EFNA2: variants seen among roughly 807,000 people sequenced by gnomAD.
EFNA2 encodes ephrin-A2.
A neutral mutation model predicts 19.7 loss-of-function variants in EFNA2; 18 were observed. That is an observed-to-expected ratio of 0.91 (90% CI 0.63 to 1.35). The LOEUF is 1.35. EFNA2 is among the 40% of genes most tolerant of loss of function. The pLI is 0.00. For missense variants in EFNA2, 303 were observed against 296.0 expected (o/e 1.02, Z -0.17); for synonymous variants, 187 against 137.8 (o/e 1.36, Z -2.50).
intron 1 of EFNA2, among the ~76,000 whole-genome samples, chr19:1,289,153 C>T (rs1482435444): frequency 6.6e-6 from 1 of 152,228 alleles, no homozygotes; most frequent in Non-Finnish European, 1.5e-5. Flanking sequence ...ATCCACAGGG[C>T]ACAGCTCTGG....
At position 1,287,079 on chromosome 19, in the gene EFNA2, G is replaced by A. The variant is rs60915545; in HGVS notation, c.140+771G>A. 3.7e-3 allele frequency among the ~76,000 whole-genome samples: 570 copies of A among 152,340 alleles called. 5 individuals are homozygous for A. Among genetic ancestry groups the A allele is most frequent in the African/African-American group, 0.013 (550 of 41,584 alleles). ...CACGCCCGGCCGAGATGCCGCACCC[G>A]CCTGCTGCAGGCCCCCTTGTTTTGA... On this transcript the variant is annotated intron_variant, in intron 1 of 3. Coordinates refer to ENST00000215368, the MANE Select transcript of EFNA2 (RefSeq NM_001405.4). The surrounding 1 kb of genome is among the most constrained non-coding windows in gnomAD (Gnocchi z 6.2).
chr19:1,295,548 C>T lies in EFNA2; in HGVS notation c.144C>T (p.Phe48=). ...AVYWNRSNPR[F]HAGAGDDGGG... is the part of the protein sequence containing the mutation. ...TCTGGCCGCCTTGTCCCCGCAGGTT[C>T]CACGCAGGCGCGGGGGACGACGGCG... is the stretch of plus-strand genomic sequence containing the variant. Residue 48 remains phenylalanine, a synonymous_variant, in exon 2 of 4, where the codon TTC becomes TTT. Coordinates refer to ENST00000215368, the MANE Select transcript of EFNA2 (RefSeq NM_001405.4). The surrounding 1 kb of genome is among the most constrained non-coding windows in gnomAD (Gnocchi z 5.8). 2 of 1,591,298 alleles carry T rather than the reference C, an allele frequency of 1.3e-6. No homozygotes were observed. Among genetic ancestry groups the T allele is most frequent in the Non-Finnish European group, 1.7e-6 (2 of 1,169,166 alleles).
At position 1,297,767 on chromosome 19, in the gene EFNA2, A is replaced by T. The variant is rs570769885; in HGVS notation, c.455-784A>T. Among the ~76,000 whole-genome samples, 4 of 152,284 alleles carry T rather than the reference A, an allele frequency of 2.6e-5. No individual in the cohort carries two copies. The highest frequency in any genetic ancestry group is 9.6e-5 in the African/African-American group (4 of 41,544). On this transcript the variant is annotated intron_variant, in intron 2 of 3. Coordinates refer to ENST00000215368, the MANE Select transcript of EFNA2 (RefSeq NM_001405.4). The surrounding 1 kb of genome is among the most constrained non-coding windows in gnomAD (Gnocchi z 5.0). ...TGCTGGAATTTTGGGCGTAAGAACC[A>T]GTTGGAAATAATCTTTCCCAGCCAG...
chr19:1,295,579 TAC>T lies in EFNA2; in HGVS notation c.178_179del (p.Thr60GlyfsTer7). The T allele has an allele frequency of 6.2e-7, 1 of 1,606,650 alleles. No homozygotes were observed. Among genetic ancestry groups the T allele is most frequent in the South Asian group, 1.1e-5 (1 of 90,464 alleles). On this transcript the variant is annotated frameshift_variant, in exon 2 of 4. Coordinates refer to ENST00000215368, the MANE Select transcript of EFNA2 (RefSeq NM_001405.4). LOFTEE classifies it high-confidence loss of function. The surrounding 1 kb of genome is among the most constrained non-coding windows in gnomAD (Gnocchi z 5.8). Reference sequence around the variant, plus strand: ...AGGCGCGGGGGACGACGGCGGGGGCTACACGGTGGAGGTGAGCATCAATGACT... The same window carrying T: ...AGGCGCGGGGGACGACGGCGGGGGCTACGGTGGAGGTGAGCATCAATGACT... ...HAGAGDDGGG[Y>X]TVEVSINDYL...
chr19:1,295,428 C>A lies in EFNA2; in HGVS notation c.141-117C>A. The A allele has an allele frequency of 8.9e-7, 1 of 1,118,072 alleles. No homozygotes were observed. The highest frequency in any genetic ancestry group is 1.2e-6 in the Non-Finnish European group (1 of 826,622). The allele number at this position is 1,118,072 out of a possible 1,614,324, so 69.3% of individuals were successfully genotyped here. A position where few individuals can be genotyped will look rare whatever the true frequency, so the allele number is the denominator to read the frequency against. ...GTGCTCCTGACCCCGGCCCTCGCCGCGCACCCCGACCCGTCCCTCGTGCTC... is the reference window on the plus strand; with the variant it reads ...GTGCTCCTGACCCCGGCCCTCGCCGAGCACCCCGACCCGTCCCTCGTGCTC... On this transcript the variant is annotated intron_variant, in intron 1 of 3. Transcript: ENST00000215368. The surrounding 1 kb of genome is among the most constrained non-coding windows in gnomAD (Gnocchi z 5.8).
chr19:1,286,197 CG>C lies in EFNA2; in HGVS notation c.30del (p.Leu11CysfsTer53). The C allele has an allele frequency of 9.5e-7, 1 of 1,049,158 alleles. No individual in the cohort carries two copies. Among genetic ancestry groups the C allele is most frequent in the Non-Finnish European group, 1.2e-6 (1 of 868,896 alleles). 65.0% of individuals were successfully genotyped at this position (1,049,158 alleles called of 1,614,324 possible). A position where few individuals can be genotyped will look rare whatever the true frequency, so the allele number is the denominator to read the frequency against. ...GCGCCCGCGCAGCGCCCGCTGCTCC[CG>C]CTGCTGCTCCTGCTGTTACCGCTGC... is the stretch of plus-strand genomic sequence containing the variant. MAPAQRPLL[P>X]LLLLLLPLPP... On this transcript the variant is annotated frameshift_variant, in exon 1 of 4. Transcript: ENST00000215368. LOFTEE classifies it high-confidence loss of function. The surrounding 1 kb of genome is among the most constrained non-coding windows in gnomAD (Gnocchi z 5.6).
intron 2 of EFNA2, 95 bp from the exon 3 acceptor site, chr19:1,298,456 G>C: frequency 1.5e-6 from 2 of 1,312,368 alleles, no homozygotes; most frequent in Non-Finnish European, 2.2e-6. Flanking sequence ...CTGGGGTCAG[G>C]GTTGATTCAC....
chr19:1,288,181 C>G (rs896798048), intron 1 of EFNA2, among the ~76,000 whole-genome samples: 5 of 152,266 alleles, frequency 3.3e-5, no homozygotes, highest in African/African-American at 1.2e-4. Context: ...TGCAGTGGGG[C>G]CCAGGGCTGG....
Position 1,286,252 on chromosome 19 carries a change from C to T in EFNA2, c.84C>T (p.Asp28=), listed in dbSNP as rs1404417418. The change falls in exon 1 of 4, where the codon GAC becomes GAT. Residue 28 remains aspartate, a synonymous_variant. Coordinates refer to ENST00000215368, the MANE Select transcript of EFNA2 (RefSeq NM_001405.4). This position sits in a 1 kb window ranked among gnomAD's most constrained non-coding sequence, Gnocchi z 5.6. ...LPPPPFARAE[D]AARANSDRYA... ...CGCCGCCCTTCGCGCGCGCCGAGGA[C>T]GCCGCCCGCGCCAACTCGGACCGCT... The T allele has an allele frequency of 7.1e-6, 8 of 1,127,456 alleles. No individual in the cohort carries two copies. The East Asian group carries it at 3.9e-4, about 55-fold the overall frequency. 69.8% of individuals were successfully genotyped at this position (1,127,456 alleles called of 1,614,324 possible).
chr19:1,295,739 G>C lies in EFNA2; in HGVS notation c.335G>C (p.Trp112Ser). The part of the protein sequence containing the change: ...CDHRQRGFKR[W>S]ECNRPAAPGG... ...CACCGCCAGCGCGGCTTCAAGCGCT[G>C]GGAGTGCAACCGGCCCGCGGCGCCC... The change falls in exon 2 of 4, where the codon TGG becomes TCG. Residue 112 changes from tryptophan (W) to serine (S), a missense_variant. Physicochemically the swap from Trp to Ser is radical, Grantham distance 177. Transcript: ENST00000215368. The surrounding 1 kb of genome is among the most constrained non-coding windows in gnomAD (Gnocchi z 5.8). 6.2e-7 allele frequency: 1 copy of C among 1,608,136 alleles called. No homozygotes were observed. The highest frequency in any genetic ancestry group is 8.5e-7 in the Non-Finnish European group (1 of 1,177,930).
intron 1 of EFNA2, among the ~76,000 whole-genome samples, chr19:1,290,717 G>A (rs574510481): frequency 6.4e-4 from 97 of 152,342 alleles, no homozygotes; most frequent in Non-Finnish European, 1.2e-3. Context: ...CTCTCCTGCA[G>A]ATGGGTCCTC....
Position 1,299,697 on chromosome 19 carries a change from G to C in EFNA2, c.521-127G>C, listed in dbSNP as rs914191286. On this transcript the variant is annotated intron_variant, in intron 3 of 3. Transcript: ENST00000215368. ...GGGCATCGGGGATGGCACCAAGAGG[G>C]AGCAGAGGGCCTGCCTGGTGGGGTG... 13 of 1,326,492 alleles carry C rather than the reference G, an allele frequency of 9.8e-6. No homozygotes were observed. The African/African-American group carries it at 1.8e-4, about 18-fold the overall frequency. The allele number at this position is 1,326,492 out of a possible 1,614,324, so 82.2% of individuals were successfully genotyped here.
intron 1 of EFNA2, among the ~76,000 whole-genome samples, chr19:1,289,661 C>T (rs73920405): frequency 3.3e-5 from 5 of 152,236 alleles, no homozygotes; most frequent in Non-Finnish European, 7.3e-5. Context: ...GCTTCGGCCA[C>T]CCTCCCGGGG....
chr19:1,293,269 C>T (rs565704854), intron 1 of EFNA2, among the ~76,000 whole-genome samples: 3 of 152,330 alleles, frequency 2.0e-5, no homozygotes, highest in Admixed American at 1.3e-4. Context: ...TGGGCAGGAA[C>T]GAAAATGACT....
rs2081470591 is a variant in EFNA2, at chr19:1,287,426, A to T, written c.140+1118A>T. Reference sequence around the variant, plus strand: ...ACTGGTCACTTTCTCTCCGTTTTCCAGCCGCTTCCTGTGCCGACCGAGCCG... The same window carrying T: ...ACTGGTCACTTTCTCTCCGTTTTCCTGCCGCTTCCTGTGCCGACCGAGCCG... On this transcript the variant is annotated intron_variant, in intron 1 of 3. Coordinates refer to ENST00000215368, the MANE Select transcript of EFNA2 (RefSeq NM_001405.4). This position sits in a 1 kb window ranked among gnomAD's most constrained non-coding sequence, Gnocchi z 6.2. Among the ~76,000 whole-genome samples, 1 of 151,946 alleles carries T rather than the reference A, an allele frequency of 6.6e-6. No homozygotes were observed. Among genetic ancestry groups the T allele is most frequent in the South Asian group, 2.1e-4 (1 of 4,806 alleles).
At position 1,286,617 on chromosome 19, in the gene EFNA2, C is replaced by T. The variant is rs2081466410; in HGVS notation, c.140+309C>T. On this transcript the variant is annotated intron_variant, in intron 1 of 3. Coordinates refer to ENST00000215368, the MANE Select transcript of EFNA2 (RefSeq NM_001405.4). The surrounding 1 kb of genome is among the most constrained non-coding windows in gnomAD (Gnocchi z 5.6). ...GAACCCCTCTGGTACCCTCCGATGCCGGGTAGCCCCTGAGTTGCCTGCCTG... is the reference window on the plus strand; with the variant it reads ...GAACCCCTCTGGTACCCTCCGATGCTGGGTAGCCCCTGAGTTGCCTGCCTG... Among the ~76,000 whole-genome samples, 1 of 152,172 alleles carries T rather than the reference C, an allele frequency of 6.6e-6. No individual in the cohort carries two copies. Among genetic ancestry groups the T allele is most frequent in the Admixed American group, 6.5e-5 (1 of 15,286 alleles).
chr19:1,284,227 G>C (rs2081453235), upstream of EFNA2, among the ~76,000 whole-genome samples: 2 of 152,230 alleles, frequency 1.3e-5, no homozygotes, highest in African/African-American at 4.8e-5. This position sits in a 1 kb window ranked among gnomAD's most constrained non-coding sequence, Gnocchi z 5.3. Context: ...GCCTTGTGTG[G>C]CTAGAACCCA....
At chr19:1,298,026 C>T (rs576002997) in intron 2 of EFNA2, among the ~76,000 whole-genome samples, 20 of 133,106 alleles carry the variant, frequency 1.5e-4, no homozygotes, top group Admixed American at 5.1e-4. Flanking sequence ...GAGCCGAGAT[C>T]GTACCATTGC....
At chr19:1,291,848 G>C (rs542441361) in intron 1 of EFNA2, among the ~76,000 whole-genome samples, 158 of 152,384 alleles carry the variant, frequency 1.0e-3, no homozygotes, top group African/African-American at 3.7e-3. Context: ...CGGGTGGGCA[G>C]GAGGGGAGCC....
Sources: gnomAD v4.1 joint callset for allele counts (sites outside exome capture counted in the v4.1 genomes callset) on GRCh38, gnomAD v4.1.1 for gene constraint, Gnocchi (gnomAD v3.1) non-coding constraint, MANE v1.5 for transcripts, NCBI Gene and HGNC (gene_info 2026-07-23, HGNC 2026-07-21) for gene names.